Variants in DPT observed in about 807,000 individuals in gnomAD.
DPT encodes tyrosine-rich acidic matrix protein.
A neutral mutation model predicts 31.2 loss-of-function variants in DPT; 21 were observed. The observed-to-expected ratio is 0.67, with a 90% CI of 0.48 to 0.97. DPT has a LOEUF of 0.97. DPT is among the 50% of genes least tolerant of loss of function. The pLI is 0.00. For missense variants in DPT, 262 were observed against 258.8 expected (o/e 1.01, Z -0.08); for synonymous variants, 91 against 86.9 (o/e 1.05, Z -0.26).
chr1:168,713,164 C>T (rs572086224), intron 2 of DPT, among the ~76,000 whole-genome samples: 2 of 152,260 alleles, frequency 1.3e-5, no homozygotes, highest in African/African-American at 4.8e-5. Context: ...CATCGTAATC[C>T]TTTGCCAGGC....
chr1:168,697,219 G>A (rs541018438), intron 3 of DPT, among the ~76,000 whole-genome samples: 1 of 152,166 alleles, frequency 6.6e-6, no homozygotes, highest in South Asian at 2.1e-4. Flanking sequence ...AACCGAGATG[G>A]TGCCACTGCA....
chr1:168,728,839 G>C, intron 1 of DPT, 31 bp downstream of exon 1: 1 of 1,606,898 alleles, frequency 6.2e-7, no homozygotes, highest in Non-Finnish European at 8.5e-7. Flanking sequence ...GATGTTCCCA[G>C]CCCCAGTGCA....
chr1:168,713,982 G>A (rs1018011494), intron 2 of DPT, among the ~76,000 whole-genome samples: 4 of 152,160 alleles, frequency 2.6e-5, no homozygotes, highest in African/African-American at 9.7e-5. Flanking sequence ...GGGCCAGTCA[G>A]TGCCGGCTCT....
In DPT at chr1:168,729,133, G is replaced by A. The variant is rs779697162; in HGVS notation, c.42C>T (p.Thr14=). ...AATCGCCATACTGGCCCCAGGCCAT[G>A]GTGACTAGGGGCAGAAGTACCCAGA... The part of the protein sequence containing the change: ...SLLWVLLPLV[T]MAWGQYGDYG... Residue 14 remains threonine, a synonymous_variant, in exon 1 of 4, where the codon ACC becomes ACT. Transcript: ENST00000367817. The A allele has an allele frequency of 5.0e-6, 8 of 1,614,028 alleles. 1 individual carries two copies. In the South Asian group the frequency reaches 7.7e-5, roughly 16 times the overall value.
At chr1:168,721,906 G>A (rs774619478) in intron 1 of DPT, among the ~76,000 whole-genome samples, 3 of 152,196 alleles carry the variant, frequency 2.0e-5, no homozygotes, top group African/African-American at 7.2e-5. Context: ...CCATGTCCAG[G>A]TTTTAAGTCT....
intron 2 of DPT, among the ~76,000 whole-genome samples, chr1:168,705,828 G>A (rs898536499): frequency 6.6e-6 from 1 of 152,152 alleles, no homozygotes; most frequent in South Asian, 2.1e-4. Context: ...GAACCTTTGG[G>A]CAGGTCTTTC....
At chr1:168,708,390 T>A (rs751365772) in intron 2 of DPT, among the ~76,000 whole-genome samples, 20 of 152,110 alleles carry the variant, frequency 1.3e-4, no homozygotes, top group Non-Finnish European at 2.8e-4. Flanking sequence ...GCACAATGAG[T>A]GCTATGTACA....
At chr1:168,722,174 A>G (rs28366442) in intron 1 of DPT, among the ~76,000 whole-genome samples, 1 of 152,362 alleles carries the variant, frequency 6.6e-6, no homozygotes, top group South Asian at 2.1e-4. Flanking sequence ...TTAGCATCAC[A>G]GTAAATTTGA....
At chr1:168,728,826 A>G (rs1436834327) in intron 1 of DPT, 44 bp downstream of exon 1, 33 of 1,595,362 alleles carry the variant, frequency 2.1e-5, no homozygotes, top group Non-Finnish European at 2.7e-5. Flanking sequence ...AGGGATATGC[A>G]GAGATGTTCC....
Position 168,729,026 on chromosome 1 carries a change from C to T in DPT, c.149G>A (p.Cys50Tyr). 1.2e-6 allele frequency: 2 copies of T among 1,614,222 alleles called. No individual in the cohort carries two copies. Among genetic ancestry groups the T allele is most frequent in the Non-Finnish European group, 8.5e-7 (1 of 1,180,036 alleles). Residue 50 changes from cysteine (C) to tyrosine (Y), a missense_variant, in exon 1 of 4, where the codon TGT becomes TAT. Transcript: ENST00000367817. ...GGCCACTATCACCTGCCCCTGGGGACACTGGTAGCTGAAGCCTTGCCGGTT... is the reference window on the plus strand; with the variant it reads ...GGCCACTATCACCTGCCCCTGGGGATACTGGTAGCTGAAGCCTTGCCGGTT... ...NLNRQGFSYQ[C>Y]PQGQVIVAVR...
intron 2 of DPT, among the ~76,000 whole-genome samples, chr1:168,708,459 T>G (rs1282525129): frequency 1.3e-5 from 2 of 152,204 alleles, no homozygotes; most frequent in African/African-American, 2.4e-5. Flanking sequence ...CCAATATAAG[T>G]TCCTTTAAAT....
chr1:168,720,344 T>G (rs1366930693), intron 1 of DPT, among the ~76,000 whole-genome samples: 3 of 152,228 alleles, frequency 2.0e-5, no homozygotes, highest in Non-Finnish European at 4.4e-5. Context: ...CTTCTTGTTG[T>G]CTGCATTCTT....
intron 3 of DPT, among the ~76,000 whole-genome samples, chr1:168,699,331 C>T (rs1413352077): frequency 1.3e-5 from 2 of 152,008 alleles, no homozygotes; most frequent in African/African-American, 2.4e-5. Flanking sequence ...CTTTATTTTT[C>T]TTAAGCATAT....
chr1:168,704,173 T>C (rs1404616044), intron 2 of DPT, among the ~76,000 whole-genome samples: 1 of 152,178 alleles, frequency 6.6e-6, no homozygotes, highest in African/African-American at 2.4e-5. Context: ...TGTGAATTCC[T>C]TGTGAATTAC....
chr1:168,727,405 T>C (rs1174245149), intron 1 of DPT, among the ~76,000 whole-genome samples: 1 of 152,166 alleles, frequency 6.6e-6, no homozygotes, highest in Non-Finnish European at 1.5e-5. Context: ...ATGGTAGCTG[T>C]TGTCATTACT....
intron 2 of DPT, among the ~76,000 whole-genome samples, chr1:168,701,544 A>C (rs74122752): frequency 0.03 from 4,521 of 152,340 alleles, 235 homozygotes; most frequent in African/African-American, 0.1. Context: ...AAGAAAATAT[A>C]AAAGCATGCA....
intron 2 of DPT, among the ~76,000 whole-genome samples, chr1:168,707,818 T>C (rs1447041441): frequency 2.6e-5 from 4 of 152,210 alleles, no homozygotes; most frequent in African/African-American, 9.7e-5. Flanking sequence ...CTTCTCCTTC[T>C]GCCATGGTTG....
intron 2 of DPT, among the ~76,000 whole-genome samples, chr1:168,702,054 A>G (rs1048155571): frequency 4.3e-4 from 66 of 152,290 alleles, no homozygotes; most frequent in Non-Finnish European, 1.5e-4. Flanking sequence ...TAAAGTCTAG[A>G]ATCCCCCAGT....
intron 3 of DPT, among the ~76,000 whole-genome samples, chr1:168,697,037 G>A (rs1409415266): frequency 1.3e-5 from 2 of 152,144 alleles, no homozygotes; most frequent in African/African-American, 4.8e-5. Context: ...TGAGGCAGGT[G>A]GATTGCTTGA....
Sources: gnomAD v4.1 joint callset for allele counts (sites outside exome capture counted in the v4.1 genomes callset) on GRCh38, gnomAD v4.1.1 for gene constraint, MANE v1.5 for transcripts, NCBI Gene and HGNC (gene_info 2026-07-23, HGNC 2026-07-21) for gene names.